The following CHAF1A variants were observed in gnomAD, a reference collection of about 807,000 sequenced individuals.
The protein encoded by CHAF1A is CAF-1 subunit A.
In CHAF1A, 5 loss-of-function variants were observed where a neutral mutation model predicts 93.2. The observed-to-expected ratio is 0.05, with a 90% CI of 0.03 to 0.11. The LOEUF (loss-of-function observed/expected upper bound fraction) is 0.11. Among genes scored for constraint, CHAF1A ranks in the 10% least tolerant of loss-of-function variants. CHAF1A has a pLI of 1.00. For missense variants in CHAF1A, 1,102 were observed against 1,259.9 expected (o/e 0.87, Z 1.90); for synonymous variants, 504 against 510.3 (o/e 0.99, Z 0.17).
In CHAF1A at chr19:4,428,766, C is replaced by G; in HGVS notation, c.1480C>G (p.Gln494Glu). ...RTAFHPDLCS[Q>E]LDQLLQQQSG... ...CGCTTTCCATCCAGACCTCTGCAGT[C>G]AGCTGGACCAGCTCCTCCAGCAGCA... Residue 494 changes from glutamine (Q) to glutamate (E), a missense_variant, in exon 8 of 15, where the codon CAG becomes GAG. Gln to Glu is a conservative substitution (Grantham distance 29). Around this residue, in one of 6 missense-constraint regions of CHAF1A, gnomAD observed 165 missense variants for 243.9 expected, o/e 0.68. Transcript: ENST00000301280. The G allele has an allele frequency of 3.1e-6, 5 of 1,614,196 alleles. No individual in the cohort carries two copies. The highest frequency in any genetic ancestry group is 3.4e-6 in the Non-Finnish European group (4 of 1,180,036).
chr19:4,447,400 C>A, downstream of CHAF1A: 1 of 783,840 alleles, frequency 1.3e-6, no homozygotes, highest in Admixed American at 2.2e-5. Flanking sequence ...GTCCTGCTAC[C>A]TTCTACTGGC....
chr19:4,428,895 G>T lies in CHAF1A; in HGVS notation c.1604+5G>T. On this transcript the variant is annotated splice_donor_5th_base_variant and intron_variant, in intron 8 of 14. Transcript: ENST00000301280. The stretch of plus-strand genomic sequence containing the variant: ...GAATGCAGATATTTTTAACAGGTCA[G>T]AGCCTGAGGAGGTCGGCCTTCACCC... The T allele has an allele frequency of 6.2e-7, 1 of 1,610,936 alleles. No individual in the cohort carries two copies. The highest frequency in any genetic ancestry group is 8.5e-7 in the Non-Finnish European group (1 of 1,177,642).
Position 4,422,644 on chromosome 19 carries a change from C to A in CHAF1A, c.1096C>A (p.Arg366=), listed in dbSNP as rs1251104917. 12 of 1,601,060 alleles carry A rather than the reference C, an allele frequency of 7.5e-6. No homozygotes were observed. The highest frequency in any genetic ancestry group is 2.7e-5 in the African/African-American group (2 of 74,650). ...GGAGAAGCTGAAAGAGGAGGCCAAG[C>A]GGGCCAAGGAGGAGGCCAAGAAGAA... ...EKEKLKEEAK[R]AKEEAKKKKE... is the part of the protein sequence containing the mutation. Residue 366 remains arginine, a synonymous_variant, in exon 5 of 15, where the codon CGG becomes AGG. Coordinates refer to ENST00000301280, the MANE Select transcript of CHAF1A (RefSeq NM_005483.3). The surrounding 1 kb of genome is among the most constrained non-coding windows in gnomAD (Gnocchi z 4.6).
At chr19:4,435,320 C>T (rs1181094739) in intron 13 of CHAF1A, among the ~76,000 whole-genome samples, 7 of 151,832 alleles carry the variant, frequency 4.6e-5, no homozygotes, top group East Asian at 1.9e-4. Flanking sequence ...CCTCGTGATC[C>T]GCCCGCCTTA....
intron 9 of CHAF1A, 33 bp downstream of exon 9, chr19:4,429,639 A>T: frequency 6.2e-7 from 1 of 1,613,810 alleles, no homozygotes; most frequent in South Asian, 1.1e-5. Flanking sequence ...CCGTCCCCGT[A>T]CCTCCTCACT....
intron 3 of CHAF1A, among the ~76,000 whole-genome samples, chr19:4,415,567 A>G (rs1384976360): frequency 1.3e-5 from 2 of 152,202 alleles, no homozygotes; most frequent in East Asian, 3.8e-4. Flanking sequence ...GGAGAGGCAC[A>G]CAGCCTTGGC....
At chr19:4,426,553 C>G (rs1257834238) in intron 7 of CHAF1A, among the ~76,000 whole-genome samples, 1 of 152,044 alleles carries the variant, frequency 6.6e-6, no homozygotes, top group African/African-American at 2.4e-5. Flanking sequence ...CAGCTCACCA[C>G]AACCTCTGCC....
chr19:4,421,143 G>A (rs1333520736), intron 4 of CHAF1A, among the ~76,000 whole-genome samples: 3 of 152,152 alleles, frequency 2.0e-5, no homozygotes, highest in Non-Finnish European at 4.4e-5. Context: ...CAGTGCCGTG[G>A]CGTGATCTTG....
At chr19:4,447,817 C>A (rs886511965), downstream of CHAF1A, 4 of 604,224 alleles carry the variant, frequency 6.6e-6, no homozygotes, top group African/African-American at 1.8e-5. Context: ...ATGGAGCCCA[C>A]CCCTGGTGCC....
At chr19:4,447,481 C>T (rs1974559022), downstream of CHAF1A, 1 of 1,573,440 alleles carries the variant, frequency 6.4e-7, no homozygotes, top group Non-Finnish European at 8.7e-7. Context: ...GTGTGGGCCA[C>T]CACCGGCTCC....
At chr19:4,447,505 C>T (rs1009508072), downstream of CHAF1A, 1 of 1,607,232 alleles carries the variant, frequency 6.2e-7, no homozygotes, top group Non-Finnish European at 8.5e-7. Flanking sequence ...AGGCCAGCTG[C>T]CCCCACCCCC....
At chr19:4,431,034 CAG>C in intron 11 of CHAF1A, 1 of 201,834 alleles carries the variant, frequency 5.0e-6, no homozygotes, top group African/African-American at 2.3e-5. Flanking sequence ...CGAAATAAAA[CAG>C]AACTTCCCTA....
At chr19:4,438,354 T>TTTTTG (rs139248002) in intron 13 of CHAF1A, among the ~76,000 whole-genome samples, 54,359 of 150,786 alleles carry the variant, frequency 0.36, 10,101 homozygotes, top group Non-Finnish European at 0.42. Context: ...AGAAGAGGTT[T>TTTTTG]TTTTGTTTTG....
At chr19:4,426,463 C>T (rs374775338) in intron 7 of CHAF1A, among the ~76,000 whole-genome samples, 16 of 151,334 alleles carry the variant, frequency 1.1e-4, no homozygotes, top group African/African-American at 3.4e-4. Context: ...CCACCGTGCC[C>T]GGCCTTTGTT....
chr19:4,423,253 C>T (rs1158949949), intron 5 of CHAF1A, 82 bp from the exon 6 acceptor site: 3 of 1,581,152 alleles, frequency 1.9e-6, no homozygotes, highest in South Asian at 1.2e-5. Flanking sequence ...GAAATACTTG[C>T]CATATACTAA....
intron 3 of CHAF1A, among the ~76,000 whole-genome samples, chr19:4,411,644 C>CTTCTTTTTTTTTTTTTTTTTTTT (rs1973802048): frequency 2.1e-5 from 1 of 48,204 alleles, no homozygotes; most frequent in Non-Finnish European, 4.1e-5. Context: ...TGGTGCAAAT[C>CTTCTTTTTTTTTTTTTTTTTTTT]TTTTTTTTTT....
downstream of CHAF1A, chr19:4,446,412 A>G: frequency 1.3e-6 from 2 of 1,579,434 alleles, no homozygotes; most frequent in Non-Finnish European, 1.7e-6. Flanking sequence ...ACCGCCTCGG[A>G]CCTGCACACG....
At position 4,433,863 on chromosome 19, in the gene CHAF1A, G is replaced by A. The variant is rs1974235616; in HGVS notation, c.2673+324G>A. ...GATCCGTCTGCCTTGTCCTCCCAAA[G>A]TGCTGGGATTACAGGCGTGAGCCAC... On this transcript the variant is annotated intron_variant, in intron 13 of 14. Transcript: ENST00000301280. This position sits in a 1 kb window ranked among gnomAD's most constrained non-coding sequence, Gnocchi z 5.6. Among the ~76,000 whole-genome samples, 1 of 152,022 alleles carries A rather than the reference G, an allele frequency of 6.6e-6. No homozygotes were observed. Among genetic ancestry groups the A allele is most frequent in the Admixed American group, 6.6e-5 (1 of 15,248 alleles).
rs757148981 is a variant in CHAF1A at position 4,422,826 on chromosome 19, G to A, written c.1247+31G>A. 5 of 1,596,494 alleles carry A rather than the reference G, an allele frequency of 3.1e-6. No individual in the cohort carries two copies. Among genetic ancestry groups the A allele is most frequent in the East Asian group, 2.2e-5 (1 of 44,726 alleles). On this transcript the variant is annotated intron_variant, in intron 5 of 14. Coordinates refer to ENST00000301280, the MANE Select transcript of CHAF1A (RefSeq NM_005483.3). This position sits in a 1 kb window ranked among gnomAD's most constrained non-coding sequence, Gnocchi z 4.6. The stretch of plus-strand genomic sequence containing the variant: ...TGTCCTTGGAGGCCATGCTGGGCCC[G>A]CCACCCTGCTGCTGGATTCCGCTCC...
Sources: allele counts gnomAD v4.1 joint callset (sites outside exome capture counted in the v4.1 genomes callset), GRCh38; gene constraint gnomAD v4.1.1; regional missense constraint gnomAD v4.1.1; non-coding constraint Gnocchi (gnomAD v3.1); transcripts MANE v1.5; gene names NCBI Gene and HGNC (gene_info 2026-07-23, HGNC 2026-07-21).